DNAH17: variants seen among roughly 807,000 people sequenced by gnomAD.
The protein encoded by DNAH17 is dynein axonemal heavy chain 17.
DNAH17 carries 376 observed loss-of-function variants against 485.6 expected under a neutral mutation model. The observed-to-expected ratio is 0.77, with a 90% confidence interval of 0.71 to 0.84. The LOEUF is 0.84. Among genes scored for constraint, DNAH17 ranks in the 40% least tolerant of loss-of-function variants. The probability of loss-of-function intolerance (pLI) is 0.00; values close to 1 mark genes in which losing one functional copy is unlikely to be tolerated. For synonymous variants in DNAH17, 3,031 were observed against 2,405.9 expected (o/e 1.26, Z -7.60); for missense variants, 6,370 against 5,839.3 (o/e 1.09, Z -2.96).
Position 78,507,557 on chromosome 17 carries a change from G to C in DNAH17, c.4485C>G (p.Thr1495=). 2 of 1,614,070 alleles carry C rather than the reference G, an allele frequency of 1.2e-6. No individual in the cohort carries two copies. Among genetic ancestry groups the C allele is most frequent in the Non-Finnish European group, 1.7e-6 (2 of 1,179,914 alleles). ...TGAAGATGCTCTCCAGGTGGCTCCA[G>C]GTTCGCTGGACCTCAAACCAGATGG... ...VISIWFEVQR[T]WSHLESIFIG... The change falls in exon 28 of 81, where the codon ACC becomes ACG. Residue 1495 remains threonine (T), a synonymous_variant. Coordinates refer to ENST00000389840, the MANE Select transcript of DNAH17 (RefSeq NM_173628.4).
chr17:78,515,241 G>T (rs1332402645), intron 25 of DNAH17, among the ~76,000 whole-genome samples: 1 of 152,220 alleles, frequency 6.6e-6, no homozygotes, highest in East Asian at 1.9e-4. Context: ...GGGCACGGTG[G>T]CCCACGTCTA....
chr17:78,467,192 G>A (rs2088511949), intron 55 of DNAH17, among the ~76,000 whole-genome samples: 1 of 152,250 alleles, frequency 6.6e-6, no homozygotes, highest in Non-Finnish European at 1.5e-5. Flanking sequence ...CTGAGGGATA[G>A]TGGCTAATTC....
chr17:78,501,417 G>A, intron 34 of DNAH17, 73 bp from the exon 35 acceptor site: 3 of 1,496,850 alleles, frequency 2.0e-6, no homozygotes, highest in Middle Eastern at 2.2e-4. Flanking sequence ...AGGCCAGCAT[G>A]CCTCCAAGGC....
intron 71 of DNAH17, 47 bp from the exon 72 acceptor site, chr17:78,441,246 C>T (rs1267232313): frequency 6.2e-7 from 1 of 1,603,236 alleles, no homozygotes. Flanking sequence ...GGCTCTGGGC[C>T]AGGGCGGGGC....
chr17:78,466,790 G>A lies in DNAH17; in HGVS notation c.8805C>T (p.Gly2935=), dbSNP rs1437448313. 5.6e-6 allele frequency: 9 copies of A among 1,598,964 alleles called. No individual in the cohort carries two copies. Among genetic ancestry groups the A allele is most frequent in the Non-Finnish European group, 7.7e-6 (9 of 1,173,252 alleles). Residue 2935 remains glycine, a synonymous_variant, in exon 56 of 81, where the codon GGC becomes GGT. Transcript: ENST00000389840. The part of the protein sequence containing the change: ...LKVILCFSPV[G]SVLRVRARKF... ...TTCTGGCTCGTACCCGCAGCACGGA[G>A]CCCACAGGGGAGAAACACAGGATCA...
chr17:78,539,237 T>TA (rs1568218205), intron 18 of DNAH17, among the ~76,000 whole-genome samples: 1 of 151,288 alleles, frequency 6.6e-6, no homozygotes, highest in African/African-American at 2.4e-5. Context: ...CTCAAAAAAA[T>TA]AAAAAAATAA....
intron 59 of DNAH17, 22 bp from the exon 60 acceptor site, chr17:78,460,023 G>C (rs766805954): frequency 1.9e-6 from 3 of 1,611,218 alleles, no homozygotes. Flanking sequence ...AGACGGGATG[G>C]GTCCGATGGG....
chr17:78,526,502 G>A (rs915911262), intron 24 of DNAH17, 149 bp downstream of exon 24: 17 of 629,452 alleles, frequency 2.7e-5, no homozygotes, highest in Non-Finnish European at 3.8e-5. Context: ...ACACGTATGT[G>A]CATGCATACA....
chr17:78,521,736 T>A (rs1291103457), intron 25 of DNAH17, among the ~76,000 whole-genome samples: 1 of 152,156 alleles, frequency 6.6e-6, no homozygotes, highest in Non-Finnish European at 1.5e-5. Flanking sequence ...CCTGTAATCC[T>A]AGCACTTTGG....
intron 66 of DNAH17, among the ~76,000 whole-genome samples, chr17:78,451,207 G>A (rs893656800): frequency 5.9e-5 from 9 of 152,264 alleles, no homozygotes; most frequent in East Asian, 5.8e-4. Flanking sequence ...CCCGAGGACC[G>A]CTGTGACTCA....
At chr17:78,489,012 T>C (rs968081976) in intron 44 of DNAH17, among the ~76,000 whole-genome samples, 6 of 152,124 alleles carry the variant, frequency 3.9e-5, no homozygotes, top group Admixed American at 2.6e-4. Flanking sequence ...TGTCTGTTGT[T>C]TGAAGCTGCC....
chr17:78,439,803 G>A (rs1030781986), intron 72 of DNAH17, among the ~76,000 whole-genome samples: 4 of 151,348 alleles, frequency 2.6e-5, no homozygotes, highest in African/African-American at 4.9e-5. Flanking sequence ...CTGAGTAGCT[G>A]GGACTACAGG....
At chr17:78,558,362 G>A (rs2143624724) in intron 13 of DNAH17, 108 bp from the exon 14 acceptor site, 1 of 1,369,228 alleles carries the variant, frequency 7.3e-7, no homozygotes, top group Non-Finnish European at 9.8e-7. Context: ...ACAGCCGGGG[G>A]GGATCTCAAA....
At chr17:78,519,517 C>G (rs2090880644) in intron 25 of DNAH17, among the ~76,000 whole-genome samples, 1 of 152,088 alleles carries the variant, frequency 6.6e-6, no homozygotes, top group African/African-American at 2.4e-5. Context: ...TTTGAAAAAT[C>G]AATAAAGTTT....
chr17:78,537,089 A>T (rs560984679), intron 19 of DNAH17, among the ~76,000 whole-genome samples: 2 of 151,370 alleles, frequency 1.3e-5, no homozygotes, highest in Non-Finnish European at 2.9e-5. Flanking sequence ...GAGGCAGGAG[A>T]ATGGCTTGAA....
chr17:78,453,631 C>A (rs1247347803), intron 64 of DNAH17, among the ~76,000 whole-genome samples, 166 bp from the exon 65 acceptor site: 1 of 152,230 alleles, frequency 6.6e-6, no homozygotes, highest in Non-Finnish European at 1.5e-5. Flanking sequence ...CTGAAAGGAG[C>A]CGAGGGGCTT....
intron 75 of DNAH17, among the ~76,000 whole-genome samples, chr17:78,433,110 G>A (rs995129585): frequency 8.5e-5 from 13 of 152,168 alleles, no homozygotes; most frequent in Non-Finnish European, 1.9e-4. Flanking sequence ...TGATTTGGAG[G>A]CCGAGAGTGA....
Position 78,428,412 on chromosome 17 carries a change from A to G in DNAH17, c.12588+113T>C, listed in dbSNP as rs183083939. 8,758 of 1,302,956 alleles carry G rather than the reference A, an allele frequency of 6.7e-3. 42 individuals are homozygous for G. Among genetic ancestry groups the G allele is most frequent in the Middle Eastern group, 0.012 (68 of 5,520 alleles). 80.7% of individuals were successfully genotyped at this position (1,302,956 alleles called of 1,614,324 possible). A position where few individuals can be genotyped will look rare whatever the true frequency, so the allele number is the denominator to read the frequency against. On this transcript the variant is annotated intron_variant, in intron 77 of 80. Coordinates refer to ENST00000389840, the MANE Select transcript of DNAH17 (RefSeq NM_173628.4). ...TGATACCCAAGCCCAAGGCTGGGGC[A>G]GAGTGTACCTCACCAGCAAGTTCCC...
chr17:78,548,495 C>A (rs576191152), intron 16 of DNAH17, among the ~76,000 whole-genome samples: 61 of 152,318 alleles, frequency 4.0e-4, no homozygotes, highest in African/African-American at 1.5e-3. Flanking sequence ...TGAGCCACTG[C>A]ACCCGGCCAC....
Sources: gnomAD v4.1 joint callset for allele counts (sites outside exome capture counted in the v4.1 genomes callset) on GRCh38, gnomAD v4.1.1 for gene constraint, MANE v1.5 for transcripts, NCBI Gene and HGNC (gene_info 2026-07-23, HGNC 2026-07-21) for gene names.